ZCCHC4: variants seen among roughly 807,000 people sequenced by gnomAD.
ZCCHC4 encodes rRNA N(6)-adenosine-methyltransferase ZCCHC4.
In ZCCHC4, 54 loss-of-function variants were observed where a neutral mutation model predicts 67.7. The observed-to-expected ratio is 0.80, with a 90% CI of 0.64 to 1.00. The LOEUF (loss-of-function observed/expected upper bound fraction) is 1.00. ZCCHC4 is among the 50% of genes least tolerant of loss of function. ZCCHC4 has a pLI of 0.00. For missense variants in ZCCHC4, 609 were observed against 617.0 expected, an observed-to-expected ratio of 0.99 and a Z score of 0.14; for synonymous variants, 198 against 213.5, an observed-to-expected ratio of 0.93 and a Z score of 0.63.
Position 25,312,840 on chromosome 4 carries a change from G to C in ZCCHC4, c.31G>C (p.Val11Leu), listed in dbSNP as rs776975597. MAASRNGFEA[V>L]EAEGSAGCRG... ...GGCCTCCAGGAATGGGTTTGAAGCC[G>C]TGGAGGCAGAGGGCAGCGCAGGGTG... The change falls in exon 1 of 13, where the codon GTG becomes CTG. Residue 11 changes from valine to leucine, a missense_variant. By Grantham distance (32) the Val-to-Leu change is conservative. Transcript: ENST00000302874. 3.2e-5 allele frequency: 52 copies of C among 1,613,320 alleles called. No individual in the cohort carries two copies. The highest frequency in any genetic ancestry group is 4.4e-5 in the Non-Finnish European group (52 of 1,180,036).
intron 3 of ZCCHC4, among the ~76,000 whole-genome samples, chr4:25,325,023 C>G (rs1718789964): frequency 6.6e-6 from 1 of 151,770 alleles, no homozygotes; most frequent in African/African-American, 2.4e-5. Context: ...GCGGGTGGAT[C>G]ACGAGGTCAG....
chr4:25,318,597 T>A (rs771598590), intron 3 of ZCCHC4, among the ~76,000 whole-genome samples: 29 of 151,922 alleles, frequency 1.9e-4, no homozygotes, highest in Non-Finnish European at 3.7e-4. Context: ...TCCGGTGGTC[T>A]GCCCATCTTG....
At chr4:25,360,930 TAG>T (rs1457508005) in intron 8 of ZCCHC4, among the ~76,000 whole-genome samples, 2 of 152,190 alleles carry the variant, frequency 1.3e-5, no homozygotes, top group African/African-American at 4.8e-5. Context: ...GGGCTGAACT[TAG>T]AGCATTGTGG....
At chr4:25,341,277 A>G (rs1719746464) in intron 5 of ZCCHC4, among the ~76,000 whole-genome samples, 1 of 152,156 alleles carries the variant, frequency 6.6e-6, no homozygotes, top group Non-Finnish European at 1.5e-5. Flanking sequence ...TTGATATCTC[A>G]TGTTGAAGTG....
chr4:25,365,029 C>T lies in ZCCHC4; in HGVS notation c.1269C>T (p.Ile423=). The T allele has an allele frequency of 1.9e-6, 3 of 1,613,390 alleles. No individual in the cohort carries two copies. Among genetic ancestry groups the T allele is most frequent in the Non-Finnish European group, 2.5e-6 (3 of 1,179,772 alleles). ...LCKKCVKPSW[I]HCSICNHCAV... Reference sequence around the variant, plus strand: ...TTAATTTTTATTTTACAGCCTGGATCCACTGTAGCATCTGCAATCACTGTG... The same window carrying T: ...TTAATTTTTATTTTACAGCCTGGATTCACTGTAGCATCTGCAATCACTGTG... Residue 423 remains isoleucine (I), a synonymous_variant, in exon 12 of 13, where the codon ATC becomes ATT. Coordinates refer to ENST00000302874, the MANE Select transcript of ZCCHC4 (RefSeq NM_024936.3).
At position 25,349,399 on chromosome 4, in the gene ZCCHC4, AAG is replaced by A. The variant is rs533782657; in HGVS notation, c.760-85_760-84del. On this transcript the variant is annotated intron_variant, in intron 6 of 12. Transcript: ENST00000302874. ...ATGACTTGGTAAAGTTTCCAGTATT[AAG>A]AGAGAGACTGAGTCTAATGCATTCT... The A allele has an allele frequency of 6.4e-5, 81 of 1,269,136 alleles. No homozygotes were observed. In the East Asian group the frequency reaches 1.8e-3, roughly 29 times the overall value. The allele number at this position is 1,269,136 out of a possible 1,614,324, so 78.6% of individuals were successfully genotyped here.
Position 25,370,316 on chromosome 4 carries a change from T to G in ZCCHC4, c.*1152T>G. The G allele has an allele frequency of 6.6e-6, 1 of 152,174 alleles. No individual in the cohort carries two copies. Among genetic ancestry groups the G allele is most frequent in the African/African-American group, 2.4e-5 (1 of 41,432 alleles). The allele number at this position is 152,174 out of a possible 1,614,324, so 9.4% of individuals were successfully genotyped here. A position where few individuals can be genotyped will look rare whatever the true frequency, so the allele number is the denominator to read the frequency against. On this transcript the variant is annotated 3_prime_UTR_variant, in exon 13 of 13. Coordinates refer to ENST00000302874, the MANE Select transcript of ZCCHC4 (RefSeq NM_024936.3). Reference sequence around the variant, plus strand: ...AGCCCCGGTTTCTTCATTATTATCATTATTATAATGGGGAGAATAACAGCT... The same window carrying G: ...AGCCCCGGTTTCTTCATTATTATCAGTATTATAATGGGGAGAATAACAGCT...
intron 3 of ZCCHC4, among the ~76,000 whole-genome samples, chr4:25,321,174 C>CTCTT (rs895176552): frequency 6.6e-6 from 1 of 151,900 alleles, no homozygotes; most frequent in Non-Finnish European, 1.5e-5. Flanking sequence ...CTCTGTCTGT[C>CTCTT]TCTTTCTTTC....
At chr4:25,367,857 A>T (rs1292248450) in intron 12 of ZCCHC4, among the ~76,000 whole-genome samples, 1 of 152,190 alleles carries the variant, frequency 6.6e-6, no homozygotes, top group Admixed American at 6.5e-5. Flanking sequence ...ATATATAAAT[A>T]ATTTAAAGTA....
rs78171513 is a variant in ZCCHC4 at position 25,349,681 on chromosome 4, A to G, written c.910+39A>G. On this transcript the variant is annotated intron_variant, in intron 7 of 12. Coordinates refer to ENST00000302874, the MANE Select transcript of ZCCHC4 (RefSeq NM_024936.3). The stretch of plus-strand genomic sequence containing the variant: ...TACTGCAAAATAAATACATATCTAT[A>G]TATCTACTTCCTGTCAAATATTAGC... 2,218 of 1,595,022 alleles carry G rather than the reference A, an allele frequency of 1.4e-3. 27 individuals are homozygous for G. In the African/African-American group the frequency reaches 0.025, roughly 18 times the overall value.
At position 25,350,358 on chromosome 4, in the gene ZCCHC4, T is replaced by G. The variant is rs1212094651; in HGVS notation, c.910+716T>G. Reference sequence around the variant, plus strand: ...TCACTGCAACCTCTGCTTCCCAGGTTCAAGCGATTCTTCTGCCTTAGCCTC... The same window carrying G: ...TCACTGCAACCTCTGCTTCCCAGGTGCAAGCGATTCTTCTGCCTTAGCCTC... On this transcript the variant is annotated intron_variant, in intron 7 of 12. Transcript: ENST00000302874. Among the ~76,000 whole-genome samples, 5 of 150,636 alleles carry G rather than the reference T, an allele frequency of 3.3e-5. No homozygotes were observed. The East Asian group carries it at 9.8e-4, about 30-fold the overall frequency.
intron 3 of ZCCHC4, among the ~76,000 whole-genome samples, chr4:25,321,274 G>A (rs1327110116): frequency 6.7e-6 from 1 of 150,102 alleles, no homozygotes; most frequent in East Asian, 2.0e-4. Context: ...TTTTTTTGGA[G>A]GCAGAGTTTC....
intron 8 of ZCCHC4, among the ~76,000 whole-genome samples, chr4:25,354,671 T>C (rs1720441069): frequency 6.6e-6 from 1 of 152,172 alleles, no homozygotes; most frequent in African/African-American, 2.4e-5. Flanking sequence ...TTAAAATTTT[T>C]TTTTTAAATA....
chr4:25,325,032 A>G (rs1477156699), intron 3 of ZCCHC4, among the ~76,000 whole-genome samples: 4 of 151,730 alleles, frequency 2.6e-5, no homozygotes, highest in Non-Finnish European at 5.9e-5. Context: ...TCACGAGGTC[A>G]GGAGATCGAG....
intron 1 of ZCCHC4, 100 bp downstream of exon 1, chr4:25,313,036 C>T (rs1718040733): frequency 1.5e-5 from 23 of 1,509,144 alleles, no homozygotes; most frequent in African/African-American, 2.8e-5. Flanking sequence ...CCGCCTCTTT[C>T]CCTCACCAGT....
At chr4:25,332,094 G>A (rs1482422290) in intron 3 of ZCCHC4, among the ~76,000 whole-genome samples, 1 of 152,120 alleles carries the variant, frequency 6.6e-6, no homozygotes, top group Non-Finnish European at 1.5e-5. Context: ...GATCACCTGA[G>A]GTCAGGAGTT....
chr4:25,351,044 A>G (rs1003664784), intron 7 of ZCCHC4, among the ~76,000 whole-genome samples: 1 of 152,252 alleles, frequency 6.6e-6, no homozygotes, highest in Non-Finnish European at 1.5e-5. Context: ...TAATAGTGCT[A>G]TAATGAATAC....
intron 5 of ZCCHC4, among the ~76,000 whole-genome samples, chr4:25,345,037 A>G (rs1715035987): frequency 6.6e-6 from 1 of 152,090 alleles, no homozygotes; most frequent in African/African-American, 2.4e-5. Context: ...TCGTTAGCTC[A>G]AGCAATCTGC....
chr4:25,361,663 T>C, intron 8 of ZCCHC4, 196 bp from the exon 9 acceptor site: 2 of 567,514 alleles, frequency 3.5e-6, no homozygotes, highest in Non-Finnish European at 6.1e-6. Context: ...TCTATGATCC[T>C]TGAGTGTTAT....
Sources: allele counts gnomAD v4.1 joint callset (sites outside exome capture counted in the v4.1 genomes callset), GRCh38; gene constraint gnomAD v4.1.1; transcripts MANE v1.5; gene names NCBI Gene and HGNC (gene_info 2026-07-23, HGNC 2026-07-21).